The following PAQR3 variants were observed in gnomAD, a reference collection of about 807,000 sequenced individuals.
PAQR3 encodes progestin and adipoQ receptor family member 3.
PAQR3 carries 39 observed loss-of-function variants against 41.7 expected under a neutral mutation model. The ratio of observed to expected loss-of-function variants is 0.93; its 90% CI spans 0.72 to 1.22. The LOEUF (loss-of-function observed/expected upper bound fraction) is 1.22, where lower values mean the gene tolerates loss of function less well. Among genes scored for constraint, PAQR3 ranks in the 50% most tolerant of loss-of-function variants. The probability of loss-of-function intolerance (pLI) is 0.00; values close to 1 mark genes in which losing one functional copy is unlikely to be tolerated. For synonymous variants in PAQR3, 140 were observed against 140.6 expected (o/e 1.00, Z 0.03); for missense variants, 366 against 385.6 (o/e 0.95, Z 0.42).
intron 5 of PAQR3, chr4:78,921,668 G>A: frequency 4.1e-6 from 4 of 984,550 alleles, no homozygotes; most frequent in Non-Finnish European, 4.8e-6. Context: ...ATGCCACTGT[G>A]TTGTGTATAC....
intron 11 of PAQR3, among the ~76,000 whole-genome samples, chr4:78,901,212 TTTTTA>T (rs935034232): frequency 2.6e-5 from 4 of 151,380 alleles, no homozygotes; most frequent in Non-Finnish European, 4.4e-5. Context: ...CTCAGCTACT[TTTTTA>T]TTTTATTTTA....
chr4:78,896,150 A>G (rs1015501607), intron 11 of PAQR3, among the ~76,000 whole-genome samples: 1 of 152,060 alleles, frequency 6.6e-6, no homozygotes, highest in African/African-American at 2.4e-5. Context: ...TTTGCAGCCA[A>G]GATTATAAAT....
At chr4:78,925,929 T>C (rs1309940509) in intron 4 of PAQR3, among the ~76,000 whole-genome samples, 1 of 152,120 alleles carries the variant, frequency 6.6e-6, no homozygotes, top group Non-Finnish European at 1.5e-5. Context: ...AACAAATAGC[T>C]CTTCTTTTAT....
At chr4:78,927,916 C>G (rs565440809) in intron 3 of PAQR3, among the ~76,000 whole-genome samples, 20 of 152,280 alleles carry the variant, frequency 1.3e-4, no homozygotes, top group African/African-American at 4.8e-4. Flanking sequence ...TCCACAGTTT[C>G]CAATCTCATT....
At chr4:78,898,673 C>T (rs116732198) in intron 11 of PAQR3, among the ~76,000 whole-genome samples, 173 of 149,924 alleles carry the variant, frequency 1.2e-3, no homozygotes, top group African/African-American at 4.0e-3. Flanking sequence ...AAAAAAAAGA[C>T]CATTGCTCCT....
chr4:78,910,484 A>G (rs1734529977), downstream of PAQR3: 15 of 796,380 alleles, frequency 1.9e-5, no homozygotes, highest in Non-Finnish European at 2.7e-5. Flanking sequence ...TGACAACATT[A>G]TTTTTTCCTC....
chr4:78,931,825 T>A (rs1421506189), intron 2 of PAQR3, among the ~76,000 whole-genome samples: 1 of 152,204 alleles, frequency 6.6e-6, no homozygotes, highest in African/African-American at 2.4e-5. Context: ...AGGAAAAGCA[T>A]CATATTCTTT....
At chr4:78,923,633 C>T (rs1035393684) in intron 5 of PAQR3, 2 of 553,174 alleles carry the variant, frequency 3.6e-6, no homozygotes, top group Non-Finnish European at 6.4e-6. Flanking sequence ...TAGTTCATAA[C>T]CATAAAACAG....
rs191763506 is a variant in PAQR3, at chr4:78,914,635, C to A, written c.*5904G>T. The A allele has an allele frequency of 2.6e-5, 4 of 151,674 alleles. No individual in the cohort carries two copies. The highest frequency in any genetic ancestry group is 7.3e-5 in the African/African-American group (3 of 41,378). 9.4% of individuals were successfully genotyped at this position (151,674 alleles called of 1,614,324 possible). A position where few individuals can be genotyped will look rare whatever the true frequency, so the allele number is the denominator to read the frequency against. On this transcript the variant is annotated 3_prime_UTR_variant, in exon 6 of 6. Coordinates refer to ENST00000512733, the MANE Select transcript of PAQR3 (RefSeq NM_001040202.2). ...AACACAGTACCTGGCACACAGCACT[C>A]AATAAAAGTTTGGCTCTATTATGGG...
exon 13 of PAQR3, chr4:78,887,127 TTTTTA>T: frequency 7.6e-7 from 1 of 1,312,782 alleles, no homozygotes; most frequent in South Asian, 1.3e-5. Flanking sequence ...TTAAAGATCA[TTTTTA>T]TTTCATTTCA....
chr4:78,933,253 T>C, intron 2 of PAQR3: 1 of 456,270 alleles, frequency 2.2e-6, no homozygotes, highest in Non-Finnish European at 4.4e-6. Flanking sequence ...TAGGACACAT[T>C]CAACAAATAT....
intron 2 of PAQR3, chr4:78,932,949 T>A: frequency 3.2e-6 from 1 of 315,592 alleles, no homozygotes; most frequent in South Asian, 2.8e-5. Flanking sequence ...AGACAGATAA[T>A]TACAGTGTTA....
At chr4:78,900,784 A>G (rs1333025063) in intron 11 of PAQR3, among the ~76,000 whole-genome samples, 1 of 152,202 alleles carries the variant, frequency 6.6e-6, no homozygotes, top group Admixed American at 6.5e-5. Context: ...TTTCTGGGAA[A>G]GTTAAATTTA....
chr4:78,920,474 T>C lies in PAQR3; in HGVS notation c.*65A>G. 1.4e-6 allele frequency: 2 copies of C among 1,474,488 alleles called. No individual in the cohort carries two copies. The highest frequency in any genetic ancestry group is 1.8e-6 in the Non-Finnish European group (2 of 1,108,762). 91.3% of individuals were successfully genotyped at this position (1,474,488 alleles called of 1,614,324 possible). ...AAACTAATGGGAATCTTAGAAATAG[T>C]GGGGTATACAATTCCCCATTATATA... On this transcript the variant is annotated 3_prime_UTR_variant, in exon 6 of 6. Transcript: ENST00000512733.
intron 5 of PAQR3, chr4:78,922,373 C>A (rs1052079724): frequency 1.6e-6 from 2 of 1,288,590 alleles, no homozygotes; most frequent in African/African-American, 3.0e-5. Context: ...TTTCCCAACA[C>A]ACGTGACGAG....
Position 78,939,341 on chromosome 4 carries a change from C to T in PAQR3, c.-117G>A, listed in dbSNP as rs1176997163. The T allele has an allele frequency of 1.1e-6, 1 of 927,324 alleles. No individual in the cohort carries two copies. Among genetic ancestry groups the T allele is most frequent in the Non-Finnish European group, 1.5e-6 (1 of 680,212 alleles). The allele number at this position is 927,324 out of a possible 1,614,324, so 57.4% of individuals were successfully genotyped here. ...GAGCCCGCGGACGCTGCGCGAGGTC[C>T]TACCGCGCTGCCGCTGCTGCCCAGG... On this transcript the variant is annotated 5_prime_UTR_variant, in exon 1 of 6. Transcript: ENST00000512733.
intron 11 of PAQR3, among the ~76,000 whole-genome samples, chr4:78,888,890 C>A (rs1253905752): frequency 6.6e-6 from 1 of 152,080 alleles, no homozygotes; most frequent in Non-Finnish European, 1.5e-5. Context: ...TATAAAAATT[C>A]ATATTCCTTA....
intron 2 of PAQR3, among the ~76,000 whole-genome samples, chr4:78,932,575 A>G (rs1231610277): frequency 6.6e-6 from 1 of 152,196 alleles, no homozygotes; most frequent in Non-Finnish European, 1.5e-5. Context: ...GCAAATGTCC[A>G]ATGTGGTTAC....
chr4:78,910,616 C>T (rs1156601551), downstream of PAQR3: 1 of 1,531,568 alleles, frequency 6.5e-7, no homozygotes, highest in Non-Finnish European at 8.7e-7. Context: ...GCAGGTTCTC[C>T]TGAAAAGAAA....
Sources: allele counts gnomAD v4.1 joint callset (sites outside exome capture counted in the v4.1 genomes callset), GRCh38; gene constraint gnomAD v4.1.1; transcripts MANE v1.5; gene names NCBI Gene and HGNC (gene_info 2026-07-23, HGNC 2026-07-21).